Variants in AGBL1 observed in about 807,000 individuals in gnomAD.
AGBL1 encodes cytosolic carboxypeptidase 4.
A neutral mutation model predicts 118.9 loss-of-function variants in AGBL1; 130 were observed. The observed-to-expected ratio is 1.09, with a 90% CI of 0.95 to 1.26. The LOEUF (loss-of-function observed/expected upper bound fraction) is 1.26, where lower values mean the gene tolerates loss of function less well. Ranked by LOEUF, AGBL1 falls within the 50% of genes most tolerant of loss-of-function variation. The pLI is 0.00. For synonymous variants in AGBL1, 555 were observed against 478.9 expected, an observed-to-expected ratio of 1.16 and a Z score of -2.08; for missense variants, 1,584 against 1,298.1, an observed-to-expected ratio of 1.22 and a Z score of -3.38.
chr15:86,238,764 C>T (rs2078595261), intron 6 of AGBL1, among the ~76,000 whole-genome samples: 1 of 152,190 alleles, frequency 6.6e-6, no homozygotes, highest in Non-Finnish European at 1.5e-5. Context: ...AATGTTGACT[C>T]AGAAGAGTTT....
At chr15:86,586,595 G>A (rs2084251892) in intron 21 of AGBL1, among the ~76,000 whole-genome samples, 1 of 152,288 alleles carries the variant, frequency 6.6e-6, no homozygotes, top group Middle Eastern at 3.4e-3. Context: ...CAGGAAAACA[G>A]TCTCAAGAGG....
At chr15:86,483,763 TG>T (rs1216811938) in intron 18 of AGBL1, among the ~76,000 whole-genome samples, 1 of 152,116 alleles carries the variant, frequency 6.6e-6, no homozygotes, top group Non-Finnish European at 1.5e-5. Context: ...AAAGTTTCAT[TG>T]GTTTTTGAGA....
At chr15:86,741,204 C>T (rs894184045) in intron 22 of AGBL1, among the ~76,000 whole-genome samples, 6 of 151,466 alleles carry the variant, frequency 4.0e-5, no homozygotes, top group South Asian at 2.1e-4. Flanking sequence ...GAGGACTTTT[C>T]GTTCCAAGGG....
chr15:86,335,303 TA>T (rs1277179943), intron 17 of AGBL1, among the ~76,000 whole-genome samples: 1 of 152,096 alleles, frequency 6.6e-6, no homozygotes, highest in Non-Finnish European at 1.5e-5. Context: ...CACGCCCAGC[TA>T]ATTTTTTGTA....
chr15:86,796,469 C>T (rs971638955), intron 22 of AGBL1, among the ~76,000 whole-genome samples: 1 of 152,186 alleles, frequency 6.6e-6, no homozygotes, highest in African/African-American at 2.4e-5. Context: ...TCTTGGATGC[C>T]ACAGTCCGAA....
At chr15:87,025,994 T>C (rs184344993) in intron 24 of AGBL1, among the ~76,000 whole-genome samples, 1 of 152,200 alleles carries the variant, frequency 6.6e-6, no homozygotes. Context: ...TGTCACCTTA[T>C]ACAAAAATCA....
intron 18 of AGBL1, among the ~76,000 whole-genome samples, chr15:86,509,184 A>T (rs1378241607): frequency 5.9e-5 from 9 of 152,168 alleles, no homozygotes; most frequent in Non-Finnish European, 1.3e-4. Flanking sequence ...AAGGAATTTT[A>T]GAAGTTGGAG....
intron 1 of AGBL1, among the ~76,000 whole-genome samples, chr15:86,088,944 C>T (rs554198904): frequency 2.0e-5 from 3 of 152,150 alleles, no homozygotes; most frequent in Non-Finnish European, 4.4e-5. Context: ...CTTGCTTACT[C>T]TTTTTCCATA....
At chr15:86,672,498 C>G (rs965206629) in intron 21 of AGBL1, among the ~76,000 whole-genome samples, 2 of 152,098 alleles carry the variant, frequency 1.3e-5, no homozygotes, top group Non-Finnish European at 2.9e-5. Context: ...AATGTGTATG[C>G]GAGTGCTCCT....
At chr15:86,614,922 G>T (rs2084701155) in intron 21 of AGBL1, among the ~76,000 whole-genome samples, 1 of 152,192 alleles carries the variant, frequency 6.6e-6, no homozygotes, top group East Asian at 1.9e-4. Flanking sequence ...CAACCAAACT[G>T]GGTGTGGAGT....
chr15:86,295,210 T>TA, intron 16 of AGBL1, 45 bp from the exon 17 acceptor site: 1 of 1,596,534 alleles, frequency 6.3e-7, no homozygotes, highest in Non-Finnish European at 8.6e-7. Flanking sequence ...ATTGTTGTTA[T>TA]AAAAAATGTT....
At chr15:86,323,731 C>T (rs1270729980) in intron 17 of AGBL1, among the ~76,000 whole-genome samples, 1 of 152,168 alleles carries the variant, frequency 6.6e-6, no homozygotes, top group Non-Finnish European at 1.5e-5. Flanking sequence ...CCTTGCTTGA[C>T]CATCTGTATA....
chr15:86,298,325 A>G (rs28683164), intron 17 of AGBL1, among the ~76,000 whole-genome samples: 1 of 136,304 alleles, frequency 7.3e-6, no homozygotes, highest in Non-Finnish European at 1.5e-5. Context: ...AGGTAACTAT[A>G]TATATGGTAA....
intron 18 of AGBL1, among the ~76,000 whole-genome samples, chr15:86,456,167 C>T (rs1431226): frequency 0.12 from 18,849 of 152,058 alleles, 1,232 homozygotes; most frequent in South Asian, 0.17. Flanking sequence ...TAACAACAAG[C>T]AAAACAATGG....
At chr15:86,315,309 G>C (rs1329968588) in intron 17 of AGBL1, among the ~76,000 whole-genome samples, 1 of 152,180 alleles carries the variant, frequency 6.6e-6, no homozygotes, top group Non-Finnish European at 1.5e-5. Context: ...TCTCAGAGTA[G>C]CTAGGTAGAC....
At chr15:86,828,294 GAAT>G (rs2079059769) in intron 22 of AGBL1, among the ~76,000 whole-genome samples, 1 of 151,860 alleles carries the variant, frequency 6.6e-6, no homozygotes. Flanking sequence ...CTGGCAGGCT[GAAT>G]AATAACCCCC....
At position 86,397,382 on chromosome 15, in the gene AGBL1, G is replaced by A. The variant is rs757650131; in HGVS notation, c.2391G>A (p.Gln797=). ...HLEQFRHRPY[Q]VITARVHPGE... is the part of the protein sequence containing the mutation. ...TTTCTGCAGGACATCGTCCATATCA[G>A]GTGATCACTGCTCGAGTTCATCCAG... Residue 797 remains glutamine (Q), a synonymous_variant, in exon 18 of 23, where the codon CAG becomes CAA. Coordinates refer to ENST00000614907, the MANE Select transcript of AGBL1 (RefSeq NM_001386094.1). 1 of 1,603,580 alleles carries A rather than the reference G, an allele frequency of 6.2e-7. No homozygotes were observed. Among genetic ancestry groups the A allele is most frequent in the Admixed American group, 1.7e-5 (1 of 59,228 alleles).
At chr15:86,145,659 A>C (rs2077023732) in intron 3 of AGBL1, among the ~76,000 whole-genome samples, 1 of 152,196 alleles carries the variant, frequency 6.6e-6, no homozygotes, top group African/African-American at 2.4e-5. Context: ...GCTTTTGCCA[A>C]CACCTGCATG....
At chr15:86,854,039 TC>T (rs2141464939) in intron 22 of AGBL1, among the ~76,000 whole-genome samples, 1 of 152,312 alleles carries the variant, frequency 6.6e-6, no homozygotes, top group South Asian at 2.1e-4. Flanking sequence ...TTTTGCACCT[TC>T]CAAGTACCTT....
Sources: gnomAD v4.1 joint callset for allele counts (sites outside exome capture counted in the v4.1 genomes callset) on GRCh38, gnomAD v4.1.1 for gene constraint, MANE v1.5 for transcripts, NCBI Gene and HGNC (gene_info 2026-07-23, HGNC 2026-07-21) for gene names.